ADGRL3: variants seen among roughly 807,000 people sequenced by gnomAD.
The protein encoded by ADGRL3 is adhesion G protein-coupled receptor L3, also known as calcium-independent alpha-latrotoxin receptor 3.
Under a neutral mutation model 153.5 loss-of-function variants are expected in ADGRL3, and 62 were observed. The observed-to-expected ratio is 0.40, with a 90% CI of 0.33 to 0.50. ADGRL3 has a LOEUF of 0.50. Ranked by LOEUF, ADGRL3 falls within the 20% of genes least tolerant of loss-of-function variation. The pLI is 0.47. For missense variants in ADGRL3, 1,641 were observed against 1,859.4 expected, an observed-to-expected ratio of 0.88 and a Z score of 2.16; for synonymous variants, 710 against 672.5, an observed-to-expected ratio of 1.06 and a Z score of -0.86.
chr4:61,598,287 C>T lies in ADGRL3; in HGVS notation c.473+10847C>T, dbSNP rs143290522. Reference sequence around the variant, plus strand: ...CATGGATACTGGAGGGCAACATGAACCTCCTGCGAACTAACAGAAAAGTGG... The same window carrying T: ...CATGGATACTGGAGGGCAACATGAATCTCCTGCGAACTAACAGAAAAGTGG... On this transcript the variant is annotated intron_variant, in intron 5 of 26. Coordinates refer to ENST00000683033, the MANE Select transcript of ADGRL3 (RefSeq NM_001387552.1). 5.1e-3 allele frequency among the ~76,000 whole-genome samples: 774 copies of T among 152,176 alleles called. 7 individuals carry two copies. The highest frequency in any genetic ancestry group is 0.017 in the Middle Eastern group (5 of 294).
chr4:61,948,663 C>G (rs549272038), intron 17 of ADGRL3, among the ~76,000 whole-genome samples: 1 of 152,242 alleles, frequency 6.6e-6, no homozygotes, highest in African/African-American at 2.4e-5. Context: ...AGGTTAAATA[C>G]AGTCAAACTG....
chr4:61,761,071 G>A (rs2096907228), intron 8 of ADGRL3, among the ~76,000 whole-genome samples: 1 of 152,186 alleles, frequency 6.6e-6, no homozygotes, highest in South Asian at 2.1e-4. Flanking sequence ...GATCAAATGA[G>A]CCACTTTATC....
At chr4:61,710,169 A>G (rs1308918991) in intron 6 of ADGRL3, among the ~76,000 whole-genome samples, 1 of 152,150 alleles carries the variant, frequency 6.6e-6, no homozygotes, top group African/African-American at 2.4e-5. Flanking sequence ...TTGGATGGTA[A>G]GTTTGTCCCA....
intron 1 of ADGRL3, among the ~76,000 whole-genome samples, chr4:61,318,872 T>A (rs114295435): frequency 6.6e-6 from 1 of 152,218 alleles, no homozygotes; most frequent in Non-Finnish European, 1.5e-5. Flanking sequence ...TAATGTAATT[T>A]TTTATATTGA....
At chr4:61,369,328 TC>T (rs1483765916) in intron 1 of ADGRL3, among the ~76,000 whole-genome samples, 2 of 152,190 alleles carry the variant, frequency 1.3e-5, no homozygotes, top group African/African-American at 4.8e-5. Context: ...GGGAATGCTT[TC>T]AGTTTTTGCC....
At chr4:62,022,479 A>G (rs1438543896) in intron 21 of ADGRL3, among the ~76,000 whole-genome samples, 1 of 152,186 alleles carries the variant, frequency 6.6e-6, no homozygotes, top group Non-Finnish European at 1.5e-5. Flanking sequence ...CAGATTTTCC[A>G]TGTAGACAAA....
chr4:61,468,850 T>C (rs892084271), intron 2 of ADGRL3, among the ~76,000 whole-genome samples: 6 of 152,000 alleles, frequency 3.9e-5, no homozygotes, highest in African/African-American at 1.4e-4. Context: ...ATATAACCAC[T>C]CCCTTCTATT....
intron 5 of ADGRL3, among the ~76,000 whole-genome samples, chr4:61,640,479 C>T (rs144271302): frequency 3.0e-4 from 46 of 152,178 alleles, no homozygotes; most frequent in South Asian, 1.2e-3. Context: ...CCTCTTTGCT[C>T]CATTTTCCCA....
At position 61,763,366 on chromosome 4, in the gene ADGRL3, T is replaced by C. The variant is rs983374614; in HGVS notation, c.1399+29812T>C. Among the ~76,000 whole-genome samples, 4 of 151,738 alleles carry C rather than the reference T, an allele frequency of 2.6e-5. No homozygotes were observed. In the East Asian group the frequency reaches 7.8e-4, roughly 30 times the overall value. On this transcript the variant is annotated intron_variant, in intron 8 of 26. Coordinates refer to ENST00000683033, the MANE Select transcript of ADGRL3 (RefSeq NM_001387552.1). The stretch of plus-strand genomic sequence containing the variant: ...CCATGTCCAGCTATTTTTTTTTTTT[T>C]AGTAGAGACGGGGTTTCACTATGTT...
In ADGRL3 at chr4:61,778,483, C is replaced by T. The variant is rs189867351; in HGVS notation, c.1400-35326C>T. Among the ~76,000 whole-genome samples the T allele has an allele frequency of 2.8e-4, 43 of 152,274 alleles. No individual in the cohort carries two copies. In the East Asian group the frequency reaches 8.3e-3, roughly 29 times the overall value. ...CATTGAATTTGAATAAAAGAAGAGT[C>T]AACCATTCTAACCAGAGGTGAAACT... On this transcript the variant is annotated intron_variant, in intron 8 of 26. Transcript: ENST00000683033.
At chr4:62,054,584 T>G (rs1735995916) in intron 25 of ADGRL3, among the ~76,000 whole-genome samples, 1 of 151,594 alleles carries the variant, frequency 6.6e-6, no homozygotes, top group Non-Finnish European at 1.5e-5. Context: ...GTTCAGATTT[T>G]AGATTAAAGA....
chr4:61,634,812 A>G (rs1328501042), intron 5 of ADGRL3, among the ~76,000 whole-genome samples: 1 of 152,192 alleles, frequency 6.6e-6, no homozygotes, highest in East Asian at 1.9e-4. Context: ...AAGAGAAAGT[A>G]ACTGAGTGAA....
intron 3 of ADGRL3, among the ~76,000 whole-genome samples, chr4:61,509,909 C>G (rs1355501847): frequency 6.6e-6 from 1 of 152,114 alleles, no homozygotes; most frequent in Non-Finnish European, 1.5e-5. Flanking sequence ...CCCTTTTACT[C>G]CATAGCCTTG....
chr4:61,819,529 T>A (rs1433558573), intron 9 of ADGRL3, among the ~76,000 whole-genome samples: 1 of 152,156 alleles, frequency 6.6e-6, no homozygotes, highest in Non-Finnish European at 1.5e-5. Flanking sequence ...TATATGTTAA[T>A]GTTTCAGGAA....
chr4:61,384,589 G>A (rs893178700), intron 2 of ADGRL3, among the ~76,000 whole-genome samples: 1 of 151,504 alleles, frequency 6.6e-6, no homozygotes, highest in African/African-American at 2.4e-5. Flanking sequence ...TACTACATTG[G>A]TTTCTTCAAT....
intron 4 of ADGRL3, among the ~76,000 whole-genome samples, chr4:61,554,230 G>A (rs1371870774): frequency 7.0e-6 from 1 of 143,478 alleles, no homozygotes; most frequent in Non-Finnish European, 1.5e-5. Flanking sequence ...GTCTTACTCT[G>A]TTGCCCAGGC....
At chr4:61,217,099 G>T (rs2148952279) in intron 1 of ADGRL3, among the ~76,000 whole-genome samples, 1 of 152,342 alleles carries the variant, frequency 6.6e-6, no homozygotes, top group African/African-American at 2.4e-5. Context: ...GGGTGCAGGG[G>T]ATATGGAGCA....
intron 2 of ADGRL3, among the ~76,000 whole-genome samples, chr4:61,490,050 C>G (rs1013571576): frequency 1.3e-5 from 2 of 152,108 alleles, no homozygotes; most frequent in African/African-American, 4.8e-5. Context: ...CTCACTTCTT[C>G]CTGAGAAACC....
At chr4:61,341,164 G>A (rs1191019431) in intron 1 of ADGRL3, among the ~76,000 whole-genome samples, 2 of 151,742 alleles carry the variant, frequency 1.3e-5, no homozygotes, top group Admixed American at 6.6e-5. Context: ...TGTATGTGGG[G>A]TTTTGGTTCT....
Sources: allele counts gnomAD v4.1 joint callset (sites outside exome capture counted in the v4.1 genomes callset), GRCh38; gene constraint gnomAD v4.1.1; transcripts MANE v1.5; gene names NCBI Gene and HGNC (gene_info 2026-07-23, HGNC 2026-07-21).